The following ZNF736 variants were observed in gnomAD, a reference collection of about 807,000 sequenced individuals.
The protein encoded by ZNF736 is KRAB-containing zinc-finger repressor protein.
ZNF736 carries 6 observed loss-of-function variants against 11.7 expected under a neutral mutation model. That is an observed-to-expected ratio of 0.51 (90% CI 0.28 to 1.01). ZNF736 has a LOEUF of 1.01. Ranked by LOEUF, ZNF736 falls within the 50% of genes least tolerant of loss-of-function variation. ZNF736 has a pLI of 0.09. For missense variants in ZNF736, 444 were observed against 496.0 expected (o/e 0.90, Z 1.00); for synonymous variants, 139 against 164.7 (o/e 0.84, Z 1.19).
Position 64,349,220 on chromosome 7 carries a change from T to TG in ZNF736, c.*73_*74insG. 2.4e-6 allele frequency: 3 copies of TG among 1,239,006 alleles called. No homozygotes were observed. Among genetic ancestry groups the TG allele is most frequent in the Non-Finnish European group, 3.3e-6 (3 of 917,082 alleles). The allele number at this position is 1,239,006 out of a possible 1,614,324, so 76.8% of individuals were successfully genotyped here. ...GAAATTTAATACTGAACAAATGCAGTATAAATGTAATGACAGTGGAAGAAC... is the reference window on the plus strand; with the variant it reads ...GAAATTTAATACTGAACAAATGCAGTGATAAATGTAATGACAGTGGAAGAAC... On this transcript the variant is annotated 3_prime_UTR_variant, in exon 4 of 4. Coordinates refer to ENST00000423484, the MANE Select transcript of ZNF736 (RefSeq NM_001170905.3).
rs867324638 is a variant in ZNF736, at chr7:64,356,445, T to C, written c.*7298T>C. Among the ~76,000 whole-genome samples the C allele has an allele frequency of 1.3e-5, 2 of 152,162 alleles. No homozygotes were observed. Among genetic ancestry groups the C allele is most frequent in the Non-Finnish European group, 2.9e-5 (2 of 68,004 alleles). Reference sequence around the variant, plus strand: ...AATTAATATTACCCAACTTGTCCAATAAAATGTTTTTAAGTTGCCTATTTT... The same window carrying C: ...AATTAATATTACCCAACTTGTCCAACAAAATGTTTTTAAGTTGCCTATTTT... On this transcript the variant is annotated 3_prime_UTR_variant, in exon 4 of 4. Transcript: ENST00000423484.
At position 64,354,717 on chromosome 7, in the gene ZNF736, T is replaced by C. The variant is rs1461171888; in HGVS notation, c.*5570T>C. The C allele has an allele frequency of 6.6e-6, 1 of 152,210 alleles. No homozygotes were observed. The highest frequency in any genetic ancestry group is 1.5e-5 in the Non-Finnish European group (1 of 68,028). 9.4% of individuals were successfully genotyped at this position (152,210 alleles called of 1,614,324 possible). ...CACGTGAGTAATTTCACAGTGCGTG[T>C]ATTGTATGTTATTTAGTGTATTTTA... On this transcript the variant is annotated 3_prime_UTR_variant, in exon 4 of 4. Transcript: ENST00000423484.
In ZNF736 at chr7:64,350,570, T is replaced by G. The variant is rs556194320; in HGVS notation, c.*1423T>G. Reference sequence around the variant, plus strand: ...ATCTTAGGCCTTGCTGGAAATGTAATTTGGTCATTTGGATGAAAGAAGTCA... The same window carrying G: ...ATCTTAGGCCTTGCTGGAAATGTAAGTTGGTCATTTGGATGAAAGAAGTCA... On this transcript the variant is annotated 3_prime_UTR_variant, in exon 4 of 4. Transcript: ENST00000423484. 9.2e-5 allele frequency: 14 copies of G among 152,188 alleles called. No homozygotes were observed. Among genetic ancestry groups the G allele is most frequent in the Non-Finnish European group, 1.9e-4 (13 of 68,034 alleles). 9.4% of individuals were successfully genotyped at this position (152,188 alleles called of 1,614,324 possible).
At position 64,336,977 on chromosome 7, in the gene ZNF736, AC is replaced by A; in HGVS notation, c.224del (p.Pro75GlnfsTer17). 6.2e-7 allele frequency: 1 copy of A among 1,600,054 alleles called. No individual in the cohort carries two copies. On this transcript the variant is annotated frameshift_variant, in exon 3 of 4. Coordinates refer to ENST00000423484, the MANE Select transcript of ZNF736 (RefSeq NM_001170905.3). LOFTEE classifies it low-confidence loss of function (END_TRUNC). The part of the protein sequence containing the change: ...KVKRQEAVAK[H>X]PAGSFHFTAE... ...AAGAGACAGGAGGCAGTAGCCAAAC[AC>A]CCAGGTAGGTGGGAGTGAATGAAGC...
rs1789486192 is a variant in ZNF736 at position 64,351,396 on chromosome 7, A to C, written c.*2249A>C. 6.6e-6 allele frequency: 1 copy of C among 152,416 alleles called. No homozygotes were observed. Among genetic ancestry groups the C allele is most frequent in the African/African-American group, 2.4e-5 (1 of 41,460 alleles). 9.4% of individuals were successfully genotyped at this position (152,416 alleles called of 1,614,324 possible). ...ACGGGAAGCTGCAGTATGGGGAAGA[A>C]ATGTGGGCTGGTGCAGTCATAGGGG... On this transcript the variant is annotated 3_prime_UTR_variant, in exon 4 of 4. Coordinates refer to ENST00000423484, the MANE Select transcript of ZNF736 (RefSeq NM_001170905.3).
intron 1 of ZNF736, among the ~76,000 whole-genome samples, chr7:64,329,361 C>G (rs1329460785): frequency 6.6e-6 from 1 of 152,072 alleles, no homozygotes; most frequent in Non-Finnish European, 1.5e-5. Context: ...TTAGTTTTTG[C>G]ATTCTGGGCT....
intron 1 of ZNF736, among the ~76,000 whole-genome samples, chr7:64,328,482 C>T (rs138803435): frequency 1.6e-4 from 24 of 151,984 alleles, no homozygotes; most frequent in African/African-American, 3.9e-4. Flanking sequence ...GGTAGTCGGC[C>T]GGGCGCGGTG....
intron 3 of ZNF736, among the ~76,000 whole-genome samples, chr7:64,341,312 CTTT>C (rs72101540): frequency 2.0e-5 from 3 of 148,658 alleles, no homozygotes; most frequent in African/African-American, 7.4e-5. Context: ...TGTTTTCTGT[CTTT>C]TTTTTTTATG....
intron 1 of ZNF736, among the ~76,000 whole-genome samples, chr7:64,320,420 A>G (rs1788987588): frequency 6.6e-6 from 1 of 152,226 alleles, no homozygotes; most frequent in Admixed American, 6.5e-5. Flanking sequence ...AATAAAAACA[A>G]ATACATTAGT....
chr7:64,336,673 G>A (rs1368883374), intron 2 of ZNF736, among the ~76,000 whole-genome samples: 7 of 152,088 alleles, frequency 4.6e-5, no homozygotes, highest in African/African-American at 9.7e-5. Flanking sequence ...AATTTTCACA[G>A]CTGATTTTTG....
At chr7:64,332,612 C>T (rs542031854) in intron 1 of ZNF736, among the ~76,000 whole-genome samples, 16 of 152,194 alleles carry the variant, frequency 1.1e-4, no homozygotes, top group East Asian at 3.9e-4. Context: ...CAAATTTACC[C>T]GGGCAGAGTT....
chr7:64,345,562 C>T (rs1789398225), intron 3 of ZNF736, among the ~76,000 whole-genome samples: 1 of 151,186 alleles, frequency 6.6e-6, no homozygotes, highest in South Asian at 2.1e-4. Context: ...AACCTTGTCT[C>T]TACTAAAATA....
chr7:64,336,915 G>T lies in ZNF736; in HGVS notation c.159G>T (p.Met53Ile), dbSNP rs1276156852. The change falls in exon 3 of 4, where the codon ATG (methionine) becomes ATT (isoleucine). Residue 53 changes from methionine to isoleucine, a missense_variant. Coordinates refer to ENST00000423484, the MANE Select transcript of ZNF736 (RefSeq NM_001170905.3). ...LGLAIFKPDL[M>I]TCLEQRKEPW... Reference sequence around the variant, plus strand: ...TTGCTATCTTTAAGCCAGACTTGATGACCTGTCTGGAGCAAAGAAAAGAGC... The same window carrying T: ...TTGCTATCTTTAAGCCAGACTTGATTACCTGTCTGGAGCAAAGAAAAGAGC... 20 of 1,601,782 alleles carry T rather than the reference G, an allele frequency of 1.2e-5. No homozygotes were observed. Among genetic ancestry groups the T allele is most frequent in the Non-Finnish European group, 1.6e-5 (19 of 1,173,916 alleles).
chr7:64,319,344 T>C (rs1788966927), intron 1 of ZNF736, among the ~76,000 whole-genome samples: 1 of 96,290 alleles, frequency 1.0e-5, no homozygotes, highest in Non-Finnish European at 2.0e-5. Flanking sequence ...TATATATATA[T>C]ATATATATAT....
Position 64,348,450 on chromosome 7 carries a change from C to T in ZNF736, c.587C>T (p.Thr196Ile). 2 of 1,549,594 alleles carry T rather than the reference C, an allele frequency of 1.3e-6. No individual in the cohort carries two copies. Among genetic ancestry groups the T allele is most frequent in the Non-Finnish European group, 1.7e-6 (2 of 1,146,556 alleles). Residue 196 changes from threonine to isoleucine, a missense_variant, in exon 4 of 4, where the codon ACT becomes ATT. By Grantham distance (89) the Thr-to-Ile change is moderately conservative. Coordinates refer to ENST00000423484, the MANE Select transcript of ZNF736 (RefSeq NM_001170905.3). ...SDFTRHKKIH[T>I]VERCYKCEEC... is the part of the protein sequence containing the mutation. ...TTTACTAGACATAAGAAAATTCATACTGTAGAGAGATGCTACAAATGTGAA... is the reference window on the plus strand; with the variant it reads ...TTTACTAGACATAAGAAAATTCATATTGTAGAGAGATGCTACAAATGTGAA...
chr7:64,315,208 A>G (rs1438166310), intron 1 of ZNF736, among the ~76,000 whole-genome samples: 2 of 152,206 alleles, frequency 1.3e-5, no homozygotes, highest in African/African-American at 4.8e-5. Context: ...ACCATGAGCC[A>G]ATTAATCCTC....
At chr7:64,324,400 C>G (rs1789054102) in intron 1 of ZNF736, among the ~76,000 whole-genome samples, 1 of 152,238 alleles carries the variant, frequency 6.6e-6, no homozygotes, top group East Asian at 1.9e-4. Context: ...CTAGTGCACA[C>G]AGACTGTCAC....
At chr7:64,316,218 A>G (rs1294486883) in intron 1 of ZNF736, among the ~76,000 whole-genome samples, 1 of 152,240 alleles carries the variant, frequency 6.6e-6, no homozygotes, top group Non-Finnish European at 1.5e-5. Context: ...GGAGCCTCTC[A>G]GGGGAGCAGC....
At chr7:64,321,905 A>G (rs1789008447) in intron 1 of ZNF736, among the ~76,000 whole-genome samples, 1 of 152,228 alleles carries the variant, frequency 6.6e-6, no homozygotes, top group African/African-American at 2.4e-5. Context: ...TACCTAAGAT[A>G]TGAACTTTGG....
Sources: gnomAD v4.1 joint callset for allele counts (sites outside exome capture counted in the v4.1 genomes callset) on GRCh38, gnomAD v4.1.1 for gene constraint, MANE v1.5 for transcripts, NCBI Gene and HGNC (gene_info 2026-07-23, HGNC 2026-07-21) for gene names.